Variants in MGAT1 observed in about 807,000 individuals in gnomAD.
MGAT1 encodes the protein alpha-1,3-mannosyl-glycoprotein 2-beta-N-acetylglucosaminyltransferase, also known as N-glycosyl-oligosaccharide-glycoprotein N-acetylglucosaminyltransferase I.
Under a neutral mutation model 31.7 loss-of-function variants are expected in MGAT1, and 14 were observed. The ratio of observed to expected loss-of-function variants is 0.44; its 90% CI spans 0.29 to 0.69. MGAT1 has a LOEUF of 0.69. MGAT1 is among the 30% of genes least tolerant of loss of function. The pLI, the probability that MGAT1 is intolerant of heterozygous loss-of-function variation, is 0.12. For synonymous variants in MGAT1, 338 were observed against 276.0 expected (o/e 1.22, Z -2.23); for missense variants, 557 against 626.0 (o/e 0.89, Z 1.18).
At chr5:180,802,209 C>A (rs545770774) in intron 1 of MGAT1, among the ~76,000 whole-genome samples, 1 of 152,294 alleles carries the variant, frequency 6.6e-6, no homozygotes, top group African/African-American at 2.4e-5. Context: ...CACACGTTAG[C>A]AAACAGGAAG....
chr5:180,803,082 G>C (rs1044743917), upstream of MGAT1, among the ~76,000 whole-genome samples: 1 of 152,138 alleles, frequency 6.6e-6, no homozygotes, highest in Non-Finnish European at 1.5e-5. Flanking sequence ...CCCTGCCCTC[G>C]GCCCTCCAGC....
rs531135167 is a variant in MGAT1 at position 180,813,054 on chromosome 5, C to G, written c.-546+2360G>C. Among the ~76,000 whole-genome samples the G allele has an allele frequency of 1.4e-4, 21 of 150,520 alleles. No homozygotes were observed. In the South Asian group the frequency reaches 3.6e-3, roughly 26 times the overall value. ...GGTTGTTTTCAACTTTTCACTTTTG[C>G]AAAATTACTTGTAGCTAAATCTGTG... is the stretch of plus-strand genomic sequence containing the variant. On this transcript the variant is annotated intron_variant, in intron 1 of 2. Coordinates refer to the MGAT1 transcript ENST00000333055.
rs1315549279 is a variant in MGAT1 at position 180,792,909 on chromosome 5, AT to A, written c.62del (p.Asn21MetfsTer34). On this transcript the variant is annotated frameshift_variant, in exon 2 of 2. Transcript: ENST00000307826. LOFTEE classifies it high-confidence loss of function. Reference sequence around the variant, plus strand: ...TCCAGAAGAAGAGGAGCAGCAGGGCATTCCAGGCCACAAAGAGGATAGCGCC... The same window carrying A: ...TCCAGAAGAAGAGGAGCAGCAGGGCATCCAGGCCACAAAGAGGATAGCGCC... ...LWGAILFVAW[N>X]ALLLLFFWTR... 6.2e-7 allele frequency: 1 copy of A among 1,611,716 alleles called. No homozygotes were observed. The highest frequency in any genetic ancestry group is 8.5e-7 in the Non-Finnish European group (1 of 1,179,382).
At position 180,788,323 on chromosome 5, in the gene MGAT1, C is replaced by G. The variant is rs1195248448; in HGVS notation, c.*3311G>C. The stretch of plus-strand genomic sequence containing the variant: ...CCTCTGGCACCGCAGGCCCCAAACT[C>G]TACTCCTCCCGCCATCTCTCCTGGA... On this transcript the variant is annotated 3_prime_UTR_variant, in exon 2 of 2. Transcript: ENST00000307826. 1 of 142,216 alleles carries G rather than the reference C, an allele frequency of 7.0e-6. No individual in the cohort carries two copies. Among genetic ancestry groups the G allele is most frequent in the Non-Finnish European group, 1.5e-5 (1 of 67,000 alleles). 8.8% of individuals were successfully genotyped at this position (142,216 alleles called of 1,614,324 possible).
chr5:180,814,149 C>T lies in MGAT1; in HGVS notation c.-546+1265G>A, dbSNP rs938231723. On this transcript the variant is annotated intron_variant, in intron 1 of 2. Transcript: ENST00000333055. The stretch of plus-strand genomic sequence containing the variant: ...AATTCATTTCAGAAACTAGATATCT[C>T]TTGTAATTTCCTGGGCTTCTCCTTA... Among the ~76,000 whole-genome samples, 3 of 152,198 alleles carry T rather than the reference C, an allele frequency of 2.0e-5. No homozygotes were observed. In the East Asian group the frequency reaches 5.8e-4, roughly 29 times the overall value.
intron 1 of MGAT1, among the ~76,000 whole-genome samples, chr5:180,801,149 CCTTT>C (rs1770682739): frequency 6.6e-6 from 1 of 152,228 alleles, no homozygotes; most frequent in African/African-American, 2.4e-5. Context: ...GCTGTGAGAT[CCTTT>C]CTAACACTCT....
chr5:180,804,129 G>A (rs1771486133), upstream of MGAT1, among the ~76,000 whole-genome samples: 1 of 149,580 alleles, frequency 6.7e-6, no homozygotes, highest in Admixed American at 6.6e-5. Flanking sequence ...GGCATGGTGA[G>A]GGGCCTCACG....
chr5:180,791,585 C>G lies in MGAT1; in HGVS notation c.*49G>C. ...ATGCAGCCTGGGGACTGTGGTCCCA[C>G]CTCAGCTCATGATGTGGCAAGGAGG... On this transcript the variant is annotated 3_prime_UTR_variant, in exon 2 of 2. Coordinates refer to ENST00000307826, the MANE Select transcript of MGAT1 (RefSeq NM_002406.4). The G allele has an allele frequency of 5.7e-6, 9 of 1,591,728 alleles. No individual in the cohort carries two copies. The highest frequency in any genetic ancestry group is 6.8e-6 in the Non-Finnish European group (8 of 1,168,142).
At chr5:180,797,821 C>T (rs1769812544) in intron 1 of MGAT1, among the ~76,000 whole-genome samples, 1 of 152,258 alleles carries the variant, frequency 6.6e-6, no homozygotes, top group Admixed American at 6.5e-5. Flanking sequence ...GGACATGACA[C>T]CCCTAGTTCC....
chr5:180,797,442 C>T (rs1050797139), intron 1 of MGAT1, among the ~76,000 whole-genome samples: 1 of 119,742 alleles, frequency 8.4e-6, no homozygotes, highest in Non-Finnish European at 1.8e-5. Context: ...GGGGGGGGGC[C>T]CAGAGGGATA....
At chr5:180,811,535 C>T (rs948967708) in intron 1 of MGAT1, among the ~76,000 whole-genome samples, 1 of 152,094 alleles carries the variant, frequency 6.6e-6, no homozygotes, top group East Asian at 1.9e-4. Context: ...TTCACTCTCT[C>T]ACCCCCTCTA....
chr5:180,812,570 GCA>G (rs143040691), intron 1 of MGAT1, among the ~76,000 whole-genome samples: 215 of 149,858 alleles, frequency 1.4e-3, no homozygotes, highest in Non-Finnish European at 2.1e-3. Context: ...ACACACACAG[GCA>G]CACACACACA....
intron 1 of MGAT1, among the ~76,000 whole-genome samples, chr5:180,813,189 C>T (rs1397551162): frequency 1.3e-5 from 2 of 152,062 alleles, no homozygotes; most frequent in Non-Finnish European, 2.9e-5. Context: ...AAAGATGGCA[C>T]AGCTTTGACA....
upstream of MGAT1, among the ~76,000 whole-genome samples, chr5:180,805,484 G>T (rs574982608): frequency 1.7e-3 from 261 of 152,362 alleles, no homozygotes; most frequent in African/African-American, 5.9e-3. Flanking sequence ...GGGCGCAGTG[G>T]CTCACGCCTG....
chr5:180,810,987 C>T (rs2113604777), intron 1 of MGAT1: 1 of 152,366 alleles, frequency 6.6e-6, no homozygotes, highest in Middle Eastern at 3.4e-3. Context: ...CGTCGTGCCC[C>T]GGGCTCCTCG....
chr5:180,791,711 T>TGAC lies in MGAT1; in HGVS notation c.1258_1260dup (p.Val420dup). On this transcript the variant is annotated inframe_insertion, in exon 2 of 2. Transcript: ENST00000307826. Reference sequence around the variant, plus strand: ...ACACGGCGGCCCCGGAACTGGAAGGTGACAATACCCCGGTAGCCAGCTCTC... The same window carrying TGAC: ...ACACGGCGGCCCCGGAACTGGAAGGTGACGACAATACCCCGGTAGCCAGCTCTC... The TGAC allele has an allele frequency of 1.2e-6, 2 of 1,613,576 alleles. No individual in the cohort carries two copies. Among genetic ancestry groups the TGAC allele is most frequent in the Non-Finnish European group, 1.7e-6 (2 of 1,179,958 alleles).
chr5:180,801,833 G>A (rs995654584), intron 1 of MGAT1, among the ~76,000 whole-genome samples: 41 of 152,306 alleles, frequency 2.7e-4, no homozygotes, highest in Admixed American at 2.0e-3. Flanking sequence ...GGCCACTGAG[G>A]TCAGGCATAC....
In MGAT1 at chr5:180,785,164, C is replaced by T. The variant is rs935273320; in HGVS notation, c.*6470G>A. The T allele has an allele frequency of 2.6e-5, 4 of 152,198 alleles. No individual in the cohort carries two copies. Among genetic ancestry groups the T allele is most frequent in the Admixed American group, 6.5e-5 (1 of 15,284 alleles). The allele number at this position is 152,198 out of a possible 1,614,324, so 9.4% of individuals were successfully genotyped here. On this transcript the variant is annotated 3_prime_UTR_variant, in exon 2 of 2. Coordinates refer to ENST00000307826, the MANE Select transcript of MGAT1 (RefSeq NM_002406.4). ...ACCAGTCTCCTAGATGACACTGCTC[C>T]CCACCCTTGGATGCTGATGAGTAAA...
chr5:180,797,585 C>T (rs1027342493), intron 1 of MGAT1, among the ~76,000 whole-genome samples: 1 of 152,186 alleles, frequency 6.6e-6, no homozygotes, highest in Admixed American at 6.5e-5. Context: ...CCCACACCCA[C>T]TACCTGATGC....
Sources: gnomAD v4.1 joint callset for allele counts (sites outside exome capture counted in the v4.1 genomes callset) on GRCh38, gnomAD v4.1.1 for gene constraint, MANE v1.5 for transcripts, NCBI Gene and HGNC (gene_info 2026-07-23, HGNC 2026-07-21) for gene names.